Variants in SYNPO2 observed in about 807,000 individuals in gnomAD.
SYNPO2 encodes synaptopodin 2, also known as synaptopodin-2.
Under a neutral mutation model 85.0 loss-of-function variants are expected in SYNPO2, and 56 were observed. The observed-to-expected ratio is 0.66, with a 90% confidence interval of 0.53 to 0.82. The LOEUF is 0.82. Among genes scored for constraint, SYNPO2 ranks in the 40% least tolerant of loss-of-function variants. The pLI, the probability that SYNPO2 is intolerant of heterozygous loss-of-function variation, is 0.00. For missense variants in SYNPO2, 1,575 were observed against 1,534.2 expected (o/e 1.03, Z -0.44); for synonymous variants, 602 against 591.1 (o/e 1.02, Z -0.27).
At chr4:118,911,926 T>A (rs1189378974) in intron 1 of SYNPO2, among the ~76,000 whole-genome samples, 5 of 152,142 alleles carry the variant, frequency 3.3e-5, no homozygotes, top group Non-Finnish European at 7.3e-5. Flanking sequence ...TTAAGCCAAT[T>A]GACAGGATCA....
chr4:118,912,279 C>T (rs564351269), intron 1 of SYNPO2, among the ~76,000 whole-genome samples: 6 of 152,242 alleles, frequency 3.9e-5, no homozygotes, highest in East Asian at 1.9e-4. Flanking sequence ...TTCCTGGGCT[C>T]GAATGAGCTT....
Position 118,974,197 on chromosome 4 carries a change from G to A in SYNPO2, c.106-49233G>A, listed in dbSNP as rs17050201. ...TTTTAGTGCTCAAAGGGAATCAGCC[G>A]TAGCAAGTGGCATCTGTAGCATTTC... On this transcript the variant is annotated intron_variant, in intron 1 of 4. Transcript: ENST00000307142. Among the ~76,000 whole-genome samples the A allele has an allele frequency of 7.6e-3, 1,162 of 152,328 alleles. 16 individuals are homozygous for A. Among genetic ancestry groups the A allele is most frequent in the African/African-American group, 0.026 (1,101 of 41,570 alleles).
At chr4:118,896,586 A>G (rs554385803) in intron 1 of SYNPO2, among the ~76,000 whole-genome samples, 1 of 152,338 alleles carries the variant, frequency 6.6e-6, no homozygotes, top group Non-Finnish European at 1.5e-5. Context: ...CAATGAGAAC[A>G]TGTTTATGGT....
At chr4:119,013,074 T>C (rs577754033) in intron 1 of SYNPO2, among the ~76,000 whole-genome samples, 1 of 152,234 alleles carries the variant, frequency 6.6e-6, no homozygotes, top group Non-Finnish European at 1.5e-5. Flanking sequence ...CCAAAATAAT[T>C]TTAGTAATAA....
chr4:119,032,005 A>G lies in SYNPO2; in HGVS notation c.3230A>G (p.Lys1077Arg). ...GCACCAAGGCCAAAGTTCTCAGCCAAGAAAAGTGGTGTCACAATTCAGGTG... is the reference window on the plus strand; with the variant it reads ...GCACCAAGGCCAAAGTTCTCAGCCAGGAAAAGTGGTGTCACAATTCAGGTG... Reference protein sequence around the residue: ...FVAPRPKFSAKKSGVTIQESG... With the variant: ...FVAPRPKFSARKSGVTIQESG... Residue 1077 changes from lysine to arginine, a missense_variant, in exon 4 of 5, where the codon AAG becomes AGG. Lys to Arg is a conservative substitution (Grantham distance 26). This residue lies in a region of SYNPO2 where 1,508 missense variants were observed against 1,446.8 expected (regional missense o/e 1.04). Transcript: ENST00000307142. 1 of 1,614,224 alleles carries G rather than the reference A, an allele frequency of 6.2e-7. No homozygotes were observed. The highest frequency in any genetic ancestry group is 1.1e-5 in the South Asian group (1 of 91,066).
chr4:118,913,331 ACTTCCAGAC>A (rs1421801630), intron 1 of SYNPO2, among the ~76,000 whole-genome samples: 1 of 152,200 alleles, frequency 6.6e-6, no homozygotes, highest in African/African-American at 2.4e-5. Flanking sequence ...TGGACCGAGA[ACTTCCAGAC>A]CTAGGGAGTA....
At chr4:118,971,794 C>T (rs1735550890) in intron 1 of SYNPO2, among the ~76,000 whole-genome samples, 1 of 152,206 alleles carries the variant, frequency 6.6e-6, no homozygotes, top group Non-Finnish European at 1.5e-5. Context: ...GACTCAGTCT[C>T]TCTTTAATCA....
chr4:118,926,200 G>A (rs1733705107), intron 1 of SYNPO2, among the ~76,000 whole-genome samples: 1 of 152,138 alleles, frequency 6.6e-6, no homozygotes, highest in Non-Finnish European at 1.5e-5. Flanking sequence ...GCAGGCAGAG[G>A]CCAGATTAGG....
chr4:118,922,783 A>G (rs1343548066), intron 1 of SYNPO2, among the ~76,000 whole-genome samples: 1 of 152,024 alleles, frequency 6.6e-6, no homozygotes, highest in Non-Finnish European at 1.5e-5. Context: ...TGTTGTCTTA[A>G]ATTTTAAACT....
At chr4:118,879,442 C>G (rs939929316) in intron 1 of SYNPO2, among the ~76,000 whole-genome samples, 1 of 152,100 alleles carries the variant, frequency 6.6e-6, no homozygotes, top group Non-Finnish European at 1.5e-5. Context: ...GGATAGAGCC[C>G]TTGTGAATGG....
intron 2 of SYNPO2, 81 bp downstream of exon 2, chr4:119,023,662 G>C (rs1461499318): frequency 1.4e-6 from 2 of 1,403,450 alleles, no homozygotes; most frequent in East Asian, 5.0e-5. Context: ...TATATAACTT[G>C]TCATTTATGG....
chr4:118,871,804 C>A (rs144144855), intron 1 of SYNPO2, among the ~76,000 whole-genome samples: 1 of 152,060 alleles, frequency 6.6e-6, no homozygotes, highest in Admixed American at 6.5e-5. Context: ...CTCCTGACCT[C>A]GTAATCCGCC....
At chr4:119,032,685 A>G in intron 4 of SYNPO2, 3 of 980,130 alleles carry the variant, frequency 3.1e-6, no homozygotes, top group Non-Finnish European at 3.6e-6. Context: ...GTTCTTTGCC[A>G]GATGTTTTTA....
At chr4:118,904,858 CAT>C (rs1365706785) in intron 1 of SYNPO2, among the ~76,000 whole-genome samples, 1 of 151,888 alleles carries the variant, frequency 6.6e-6, no homozygotes, top group Admixed American at 6.6e-5. Flanking sequence ...TCATGAAAAA[CAT>C]AGCAGTTTCC....
chr4:118,878,713 A>G (rs1236401319), intron 1 of SYNPO2, among the ~76,000 whole-genome samples: 1 of 151,934 alleles, frequency 6.6e-6, no homozygotes, highest in Admixed American at 6.6e-5. Context: ...GTATGTAAAC[A>G]CACCAATCAG....
At chr4:118,982,587 T>A (rs548825019) in intron 1 of SYNPO2, among the ~76,000 whole-genome samples, 98 of 152,358 alleles carry the variant, frequency 6.4e-4, no homozygotes, top group African/African-American at 2.2e-3. Context: ...GGAGACAGAC[T>A]GGTTCCGCTC....
intron 1 of SYNPO2, among the ~76,000 whole-genome samples, chr4:118,986,104 C>T (rs13108576): frequency 0.18 from 27,329 of 152,044 alleles, 2,973 homozygotes; most frequent in East Asian, 0.29. Flanking sequence ...ATGTAAAATC[C>T]CCAACCCCCA....
At chr4:118,855,903 C>T (rs1050262956) in intron 1 of SYNPO2, among the ~76,000 whole-genome samples, 1 of 152,146 alleles carries the variant, frequency 6.6e-6, no homozygotes, top group African/African-American at 2.4e-5. Context: ...CCCTCTTTCT[C>T]TTTCTTTTTC....
chr4:118,911,506 T>G (rs1343918557), intron 1 of SYNPO2, among the ~76,000 whole-genome samples: 1 of 152,198 alleles, frequency 6.6e-6, no homozygotes, highest in Non-Finnish European at 1.5e-5. Context: ...AATGTTCATC[T>G]CTGATGCCTG....
Sources: allele counts gnomAD v4.1 joint callset (sites outside exome capture counted in the v4.1 genomes callset), GRCh38; gene constraint gnomAD v4.1.1; regional missense constraint gnomAD v4.1.1; transcripts MANE v1.5; gene names NCBI Gene and HGNC (gene_info 2026-07-23, HGNC 2026-07-21).